Variants in JAKMIP1 observed in about 807,000 individuals in gnomAD.
JAKMIP1 encodes the protein janus kinase and microtubule interacting protein 1, also known as janus kinase and microtubule-interacting protein 1.
In JAKMIP1, 33 loss-of-function variants were observed where a neutral mutation model predicts 113.0. The ratio of observed to expected loss-of-function variants is 0.29; its 90% CI spans 0.22 to 0.39. The LOEUF is 0.39. Among genes scored for constraint, JAKMIP1 ranks in the 10% least tolerant of loss-of-function variants. The pLI, the probability that JAKMIP1 is intolerant of heterozygous loss-of-function variation, is 1.00. For synonymous variants in JAKMIP1, 480 were observed against 459.9 expected, an observed-to-expected ratio of 1.04 and a Z score of -0.56; for missense variants, 813 against 1,080.5, an observed-to-expected ratio of 0.75 and a Z score of 3.47.
chr4:6,062,397 G>A lies in JAKMIP1; in HGVS notation c.1475C>T (p.Thr492Ile), dbSNP rs1178153047. The A allele has an allele frequency of 6.2e-7, 1 of 1,613,862 alleles. No individual in the cohort carries two copies. Among genetic ancestry groups the A allele is most frequent in the East Asian group, 2.2e-5 (1 of 44,888 alleles). ...EEADLRFCQL[T>I]REYQALQRAY... ...GCGTTGCAGGGCCTGGTACTCCCGGGTCAGCTGGCAGAAGCGCAGGTCAGC... is the reference window on the plus strand; with the variant it reads ...GCGTTGCAGGGCCTGGTACTCCCGGATCAGCTGGCAGAAGCGCAGGTCAGC... Residue 492 changes from threonine (T) to isoleucine (I), a missense_variant, in exon 10 of 21, where the codon ACC becomes ATC. Around this residue, in one of 2 missense-constraint regions of JAKMIP1, gnomAD observed 273 missense variants for 426.6 expected, o/e 0.64. Transcript: ENST00000409021.
chr4:6,084,015 C>T (rs1336740620), intron 5 of JAKMIP1, among the ~76,000 whole-genome samples: 1 of 151,586 alleles, frequency 6.6e-6, no homozygotes, highest in African/African-American at 2.4e-5. Context: ...CATAATTACA[C>T]CACCTAAAAG....
intron 1 of JAKMIP1, among the ~76,000 whole-genome samples, chr4:6,115,692 A>C (rs1715639115): frequency 6.6e-6 from 1 of 152,254 alleles, no homozygotes; most frequent in African/African-American, 2.4e-5. Flanking sequence ...TTAAGAGGAA[A>C]CAGTGCAGTT....
intron 1 of JAKMIP1, among the ~76,000 whole-genome samples, chr4:6,198,721 G>A (rs1243019315): frequency 6.6e-6 from 1 of 152,226 alleles, no homozygotes; most frequent in Non-Finnish European, 1.5e-5. Flanking sequence ...AGGTCTCCAG[G>A]AGGGTGGAAA....
chr4:6,085,776 C>G, intron 3 of JAKMIP1, 147 bp from the exon 4 acceptor site: 1 of 678,274 alleles, frequency 1.5e-6, no homozygotes, highest in Non-Finnish European at 2.5e-6. Flanking sequence ...AGACACAGAG[C>G]AAGCACAGCC....
chr4:6,173,255 C>A (rs1483722963), intron 1 of JAKMIP1, among the ~76,000 whole-genome samples: 1 of 152,146 alleles, frequency 6.6e-6, no homozygotes, highest in African/African-American at 2.4e-5. Context: ...AACACTATTT[C>A]AGTGATCTTA....
Position 6,162,420 on chromosome 4 carries a change from G to A in JAKMIP1, c.-148+37833C>T, listed in dbSNP as rs1178903266. Among the ~76,000 whole-genome samples the A allele has an allele frequency of 6.6e-6, 1 of 152,200 alleles. No homozygotes were observed. Among genetic ancestry groups the A allele is most frequent in the Non-Finnish European group, 1.5e-5 (1 of 68,036 alleles). Reference sequence around the variant, plus strand: ...CTTTGCTGGTGAGGGTCCTGGGGAAGTCACCTCCAGAGGCCACATGAGCCA... The same window carrying A: ...CTTTGCTGGTGAGGGTCCTGGGGAAATCACCTCCAGAGGCCACATGAGCCA... On this transcript the variant is annotated intron_variant, in intron 1 of 20. Transcript: ENST00000409021. This position sits in a 1 kb window ranked among gnomAD's most constrained non-coding sequence, Gnocchi z 5.6.
At position 6,105,750 on chromosome 4, in the gene JAKMIP1, G is replaced by T; in HGVS notation, c.347C>A (p.Thr116Lys). The change falls in exon 3 of 21, where the codon ACG (threonine) becomes AAG (lysine). Residue 116 changes from threonine to lysine, a missense_variant. By Grantham distance (78) the Thr-to-Lys change is moderately conservative. Coordinates refer to ENST00000409021, the MANE Select transcript of JAKMIP1 (RefSeq NM_001099433.2). The part of the protein sequence containing the change: ...KEGELQRLQA[T>K]LNVLRDGAAD... ...CGCGCCGTCGCGCAGCACGTTCAGC[G>T]TGGCCTGCAGCCGCTGCAGCTCGCC... The T allele has an allele frequency of 4.4e-6, 7 of 1,602,736 alleles. No homozygotes were observed. Among genetic ancestry groups the T allele is most frequent in the Non-Finnish European group, 5.1e-6 (6 of 1,178,104 alleles).
intron 3 of JAKMIP1, among the ~76,000 whole-genome samples, chr4:6,098,621 GAA>G (rs1371115322): frequency 1.6e-4 from 21 of 128,852 alleles, no homozygotes; most frequent in Non-Finnish European, 3.0e-4. Flanking sequence ...GAAAGAAAAA[GAA>G]AAAGAAAGAA....
Position 6,070,051 on chromosome 4 carries a change from G to A in JAKMIP1, c.1303-5043C>T, listed in dbSNP as rs1718742456. The A allele has an allele frequency of 1.5e-5, 6 of 398,664 alleles. No homozygotes were observed. In the East Asian group the frequency reaches 2.1e-4, roughly 14 times the overall value. The allele number at this position is 398,664 out of a possible 1,614,324, so 24.7% of individuals were successfully genotyped here. A position where few individuals can be genotyped will look rare whatever the true frequency, so the allele number is the denominator to read the frequency against. ...CAAAACGCAAAACCCCGAACCAGCTGCCTACCTTCATGCTTATAGGTCATC... is the reference window on the plus strand; with the variant it reads ...CAAAACGCAAAACCCCGAACCAGCTACCTACCTTCATGCTTATAGGTCATC... On this transcript the variant is annotated intron_variant, in intron 8 of 20. Coordinates refer to ENST00000409021, the MANE Select transcript of JAKMIP1 (RefSeq NM_001099433.2).
chr4:6,031,855 T>A lies in JAKMIP1; in HGVS notation c.2380-2074A>T, dbSNP rs1712716345. Among the ~76,000 whole-genome samples, 1 of 152,256 alleles carries A rather than the reference T, an allele frequency of 6.6e-6. No homozygotes were observed. The highest frequency in any genetic ancestry group is 6.5e-5 in the Admixed American group (1 of 15,288). ...TGGGTGCTGCCCACATCTAAGGATT[T>A]AACAAGCAAATTTGTACCAAGTGTT... is the stretch of plus-strand genomic sequence containing the variant. On this transcript the variant is annotated intron_variant, in intron 19 of 20. Coordinates refer to ENST00000409021, the MANE Select transcript of JAKMIP1 (RefSeq NM_001099433.2). The surrounding 1 kb of genome is among the most constrained non-coding windows in gnomAD (Gnocchi z 4.4).
chr4:6,075,810 T>C (rs1453455417), intron 8 of JAKMIP1, among the ~76,000 whole-genome samples: 1 of 152,244 alleles, frequency 6.6e-6, no homozygotes, highest in South Asian at 2.1e-4. Context: ...TTGCCTGTTG[T>C]ACAGGCAATG....
In JAKMIP1 at chr4:6,105,649, G is replaced by T. The variant is rs149854773; in HGVS notation, c.448C>A (p.Arg150=). Residue 150 remains arginine (R), a synonymous_variant, in exon 3 of 21, where the codon CGG becomes AGG. Coordinates refer to ENST00000409021, the MANE Select transcript of JAKMIP1 (RefSeq NM_001099433.2). ...AGCTCCAGGATCTCCTGCTGCAGCC[G>T]CAGGCGCTCTCCATCGAAGGCCCTG... ...ARRAFDGERL[R]LQQEILELKA... The T allele has an allele frequency of 1.3e-6, 2 of 1,597,370 alleles. No individual in the cohort carries two copies. The highest frequency in any genetic ancestry group is 1.3e-5 in the African/African-American group (1 of 74,686).
intron 1 of JAKMIP1, among the ~76,000 whole-genome samples, chr4:6,196,231 T>G (rs563120366): frequency 6.6e-6 from 1 of 152,244 alleles, no homozygotes; most frequent in Non-Finnish European, 1.5e-5. Context: ...CCGTGATTAT[T>G]TTTGCATCTA....
At chr4:6,147,898 T>C (rs775031706) in intron 1 of JAKMIP1, among the ~76,000 whole-genome samples, 5 of 152,238 alleles carry the variant, frequency 3.3e-5, no homozygotes, top group African/African-American at 1.2e-4. Context: ...ATTCAACAAA[T>C]ATTCATTGAG....
At position 6,179,399 on chromosome 4, in the gene JAKMIP1, A is replaced by G. The variant is rs1009224568; in HGVS notation, c.-148+20854T>C. Among the ~76,000 whole-genome samples the G allele has an allele frequency of 6.6e-6, 1 of 152,196 alleles. No individual in the cohort carries two copies. Among genetic ancestry groups the G allele is most frequent in the Non-Finnish European group, 1.5e-5 (1 of 68,032 alleles). ...ATGCAACAGCCAAGAGGCAGACTGG[A>G]TGGAACAGGACAGGAAGGCTGAGCC... is the stretch of plus-strand genomic sequence containing the variant. On this transcript the variant is annotated intron_variant, in intron 1 of 20. Transcript: ENST00000409021. This position sits in a 1 kb window ranked among gnomAD's most constrained non-coding sequence, Gnocchi z 4.5.
At chr4:6,171,335 G>T (rs1235900340) in intron 1 of JAKMIP1, among the ~76,000 whole-genome samples, 6 of 141,836 alleles carry the variant, frequency 4.2e-5, no homozygotes, top group Non-Finnish European at 6.1e-5. Context: ...ACCACCACCA[G>T]CCCCAGCACC....
In JAKMIP1 at chr4:6,183,386, G is replaced by A. The variant is rs1405963901; in HGVS notation, c.-148+16867C>T. Among the ~76,000 whole-genome samples, 1 of 151,876 alleles carries A rather than the reference G, an allele frequency of 6.6e-6. No individual in the cohort carries two copies. The highest frequency in any genetic ancestry group is 1.5e-5 in the Non-Finnish European group (1 of 67,998). ...ACCAACTACTTGGGAGGCCGAGGCA[G>A]GAGAGTCGCTTGAACCTGGGAGGCA... On this transcript the variant is annotated intron_variant, in intron 1 of 20. Coordinates refer to ENST00000409021, the MANE Select transcript of JAKMIP1 (RefSeq NM_001099433.2). This position sits in a 1 kb window ranked among gnomAD's most constrained non-coding sequence, Gnocchi z 5.3.
rs1725779032 is a variant in JAKMIP1 at position 6,179,512 on chromosome 4, T to G, written c.-148+20741A>C. ...TACAGGCACCGTCAAGGGACAACCC[T>G]ACAAAGCCACAAACCCACAGGAAAC... On this transcript the variant is annotated intron_variant, in intron 1 of 20. Transcript: ENST00000409021. This position sits in a 1 kb window ranked among gnomAD's most constrained non-coding sequence, Gnocchi z 4.5. Among the ~76,000 whole-genome samples the G allele has an allele frequency of 6.6e-6, 1 of 152,096 alleles. No individual in the cohort carries two copies. The highest frequency in any genetic ancestry group is 2.4e-5 in the African/African-American group (1 of 41,422).
chr4:6,109,317 T>A (rs1714507891), intron 2 of JAKMIP1, among the ~76,000 whole-genome samples: 2 of 151,884 alleles, frequency 1.3e-5, no homozygotes, highest in Non-Finnish European at 2.9e-5. Context: ...ATATTTTTAG[T>A]AGAGACAGAG....
Sources: allele counts gnomAD v4.1 joint callset (sites outside exome capture counted in the v4.1 genomes callset), GRCh38; gene constraint gnomAD v4.1.1; regional missense constraint gnomAD v4.1.1; non-coding constraint Gnocchi (gnomAD v3.1); transcripts MANE v1.5; gene names NCBI Gene and HGNC (gene_info 2026-07-23, HGNC 2026-07-21).